CDKN3: variants seen among roughly 807,000 people sequenced by gnomAD.
CDKN3 encodes cyclin-dependent kinase inhibitor 3.
CDKN3 carries 19 observed loss-of-function variants against 36.1 expected under a neutral mutation model. That is an observed-to-expected ratio of 0.53 (90% CI 0.37 to 0.77). The LOEUF (loss-of-function observed/expected upper bound fraction) is 0.77, where lower values mean the gene tolerates loss of function less well. Among genes scored for constraint, CDKN3 ranks in the 30% least tolerant of loss-of-function variants. The pLI, the probability that CDKN3 is intolerant of heterozygous loss-of-function variation, is 0.00. For missense variants in CDKN3, 188 were observed against 248.6 expected, an observed-to-expected ratio of 0.76 and a Z score of 1.64; for synonymous variants, 71 against 85.3, an observed-to-expected ratio of 0.83 and a Z score of 0.92.
chr14:54,397,470 G>A (rs1886342455), intron 1 of CDKN3, among the ~76,000 whole-genome samples: 1 of 152,218 alleles, frequency 6.6e-6, no homozygotes, highest in African/African-American at 2.4e-5. Context: ...GGCGCTACCT[G>A]CGCCCACAGG....
chr14:54,412,861 C>G, intron 5 of CDKN3: 1 of 516,794 alleles, frequency 1.9e-6, no homozygotes, highest in Middle Eastern at 3.2e-4. Context: ...AAATAGTTTA[C>G]GACCTCAAAA....
At chr14:54,414,027 G>T in intron 5 of CDKN3, 1 of 197,060 alleles carries the variant, frequency 5.1e-6, no homozygotes, top group Admixed American at 5.8e-5. Context: ...GCAGGCCTTG[G>T]CTTGCAGCTG....
intron 5 of CDKN3, 149 bp from the exon 6 acceptor site, chr14:54,415,750 G>T (rs2030515650): frequency 8.7e-6 from 6 of 691,070 alleles, no homozygotes; most frequent in Non-Finnish European, 1.5e-5. Context: ...GCTCTCAGTT[G>T]ATTAAATCAA....
intron 2 of CDKN3, among the ~76,000 whole-genome samples, chr14:54,401,238 T>C (rs866534479): frequency 0.035 from 5,299 of 152,300 alleles, 322 homozygotes; most frequent in African/African-American, 0.12. Flanking sequence ...TTGGCCTCTC[T>C]AAGTGCTGGG....
At chr14:54,410,338 G>T (rs1453739187) in intron 4 of CDKN3, among the ~76,000 whole-genome samples, 1 of 152,134 alleles carries the variant, frequency 6.6e-6, no homozygotes, top group Non-Finnish European at 1.5e-5. Flanking sequence ...TAGATGTATA[G>T]TACTGTACAT....
chr14:54,403,270 C>A (rs887985223), intron 3 of CDKN3, among the ~76,000 whole-genome samples: 5 of 152,094 alleles, frequency 3.3e-5, no homozygotes, highest in African/African-American at 1.2e-4. Flanking sequence ...CTTCACATAC[C>A]TTGTAAGTTT....
In CDKN3 at chr14:54,399,750, A is replaced by G. The variant is rs4251606; in HGVS notation, c.10-144A>G. 2.0e-3 allele frequency: 1,303 copies of G among 637,982 alleles called. 14 individuals carry two copies. In the African/African-American group the frequency reaches 0.022, roughly 11 times the overall value. 39.5% of individuals were successfully genotyped at this position (637,982 alleles called of 1,614,324 possible). ...AGGTAAATAGCAGTCATTTATTATT[A>G]ATATTGCTGATCTCGTTAATATTCT... On this transcript the variant is annotated intron_variant, in intron 1 of 7. Coordinates refer to ENST00000335183, the MANE Select transcript of CDKN3 (RefSeq NM_005192.4).
intron 5 of CDKN3, chr14:54,413,529 G>T (rs1007245713): frequency 9.6e-7 from 1 of 1,042,384 alleles, no homozygotes; most frequent in African/African-American, 1.6e-5. Context: ...CAGTAGATGG[G>T]TGACTTTGCA....
At position 54,411,280 on chromosome 14, in the gene CDKN3, T is replaced by C. The variant is rs1378526719; in HGVS notation, c.194-204T>C. 5.9e-6 allele frequency: 3 copies of C among 510,842 alleles called. No individual in the cohort carries two copies. In the Admixed American group the frequency reaches 1.1e-4, roughly 19 times the overall value. 31.6% of individuals were successfully genotyped at this position (510,842 alleles called of 1,614,324 possible). A position where few individuals can be genotyped will look rare whatever the true frequency, so the allele number is the denominator to read the frequency against. ...GCAATTGACTTATTTTGAAATTCAG[T>C]AAAAGGCATTTTGACTTGTAATATG... On this transcript the variant is annotated intron_variant, in intron 4 of 7. Transcript: ENST00000335183.
intron 5 of CDKN3, among the ~76,000 whole-genome samples, chr14:54,415,585 G>C (rs1244908223): frequency 2.0e-5 from 3 of 152,190 alleles, no homozygotes; most frequent in Non-Finnish European, 2.9e-5. Context: ...TAATCAAAGT[G>C]ACAGTTGGTA....
In CDKN3 at chr14:54,417,902, T is replaced by A. The variant is rs765801817; in HGVS notation, c.503T>A (p.Ile168Lys). The A allele has an allele frequency of 6.2e-7, 1 of 1,600,094 alleles. No homozygotes were observed. The highest frequency in any genetic ancestry group is 8.5e-7 in the Non-Finnish European group (1 of 1,172,786). ...LSDTISPEQA[I>K]DSLRDLRGSG... ...GACACAATATCACCAGAGCAAGCCA[T>A]AGACAGCCTGCGAGACCTAAGAGGA... is the stretch of plus-strand genomic sequence containing the variant. The change falls in exon 7 of 8, where the codon ATA becomes AAA. Residue 168 changes from isoleucine (I) to lysine (K), a missense_variant. Ile to Lys is a moderately radical substitution (Grantham distance 102, BLOSUM62 -3). Transcript: ENST00000335183.
At chr14:54,419,871 A>G (rs4251679) in intron 7 of CDKN3, 121 bp from the exon 8 acceptor site, 16,683 of 574,558 alleles carry the variant, frequency 0.029, 307 homozygotes, top group Non-Finnish European at 0.04. Flanking sequence ...TTCCTTACCC[A>G]AAAAGATGTA....
At chr14:54,397,794 G>A (rs1028285748) in intron 1 of CDKN3, among the ~76,000 whole-genome samples, 12 of 152,198 alleles carry the variant, frequency 7.9e-5, no homozygotes, top group Non-Finnish European at 1.6e-4. Flanking sequence ...TTTCCTTTGG[G>A]TGCAGTTGAT....
At chr14:54,410,000 C>G (rs2139979354) in intron 4 of CDKN3, among the ~76,000 whole-genome samples, 1 of 152,222 alleles carries the variant, frequency 6.6e-6, no homozygotes, top group Middle Eastern at 3.4e-3. Context: ...ACACACCCAC[C>G]ATGCTAGGAA....
At chr14:54,404,691 C>T (rs1338229635) in intron 3 of CDKN3, among the ~76,000 whole-genome samples, 1 of 152,124 alleles carries the variant, frequency 6.6e-6, no homozygotes, top group Admixed American at 6.5e-5. Context: ...TCTCCTGCGT[C>T]AGCCTCCCTA....
intron 3 of CDKN3, among the ~76,000 whole-genome samples, chr14:54,407,130 G>A (rs903928119): frequency 1.3e-5 from 2 of 152,180 alleles, no homozygotes; most frequent in Non-Finnish European, 2.9e-5. Context: ...GAGTTTGCTC[G>A]AGGTCCACTC....
rs758333955 is a variant in CDKN3 at position 54,397,047 on chromosome 14, T to G, written c.-22T>G. 2.2e-5 allele frequency: 33 copies of G among 1,495,076 alleles called. 1 individual carries two copies. In the South Asian group the frequency reaches 4.1e-4, roughly 19 times the overall value. The allele number at this position is 1,495,076 out of a possible 1,614,324, so 92.6% of individuals were successfully genotyped here. A position where few individuals can be genotyped will look rare whatever the true frequency, so the allele number is the denominator to read the frequency against. ...GCGCTGCAGAGGGAGGCGGCACTGG[T>G]CTCGACGTGGGGCGGCCAGCGATGA... On this transcript the variant is annotated 5_prime_UTR_variant, in exon 1 of 8. Transcript: ENST00000335183.
chr14:54,400,183 T>C (rs907533041), intron 2 of CDKN3, among the ~76,000 whole-genome samples: 7 of 148,364 alleles, frequency 4.7e-5, no homozygotes, highest in Non-Finnish European at 1.1e-4. Context: ...ATAAGACCCT[T>C]TTTTTTTTTT....
chr14:54,418,310 C>G, intron 7 of CDKN3: 1 of 699,974 alleles, frequency 1.4e-6, no homozygotes, highest in Non-Finnish European at 2.6e-6. Context: ...AAACTTGGTA[C>G]GTTCTTGGGT....
Sources: allele counts gnomAD v4.1 joint callset (sites outside exome capture counted in the v4.1 genomes callset), GRCh38; gene constraint gnomAD v4.1.1; transcripts MANE v1.5; gene names NCBI Gene and HGNC (gene_info 2026-07-23, HGNC 2026-07-21).